Variants in CENPI observed in about 807,000 individuals in gnomAD.
CENPI encodes the protein centromere protein I, also known as FSH primary response 1.
CENPI carries 4 observed loss-of-function variants against 60.4 expected under a neutral mutation model. The ratio of observed to expected loss-of-function variants is 0.07; its 90% CI spans 0.03 to 0.15. The LOEUF (loss-of-function observed/expected upper bound fraction) is 0.15, where lower values mean the gene tolerates loss of function less well. Ranked by LOEUF, CENPI falls within the 10% of genes least tolerant of loss-of-function variation. The pLI is 1.00. For missense variants in CENPI, 444 were observed against 534.5 expected (o/e 0.83, Z 1.67); for synonymous variants, 157 against 189.4 (o/e 0.83, Z 1.40).
intron 8 of CENPI, among the ~76,000 whole-genome samples, 200 bp downstream of exon 8, chrX:101,120,984 T>G (rs2089671842): frequency 9.2e-6 from 1 of 108,548 alleles, no homozygotes; most frequent in Admixed American, 1.0e-4. Flanking sequence ...CAAGCGATTC[T>G]CCTGCCTTAC....
chrX:101,144,088 T>TTTC (rs1302344220), intron 16 of CENPI, among the ~76,000 whole-genome samples: 5 of 39,338 alleles, frequency 1.3e-4, no homozygotes, highest in Admixed American at 2.3e-4. Context: ...TTTCTTTTTC[T>TTTC]TTTTTTTTTT....
At chrX:101,135,721 T>G (rs1199304918) in intron 15 of CENPI, among the ~76,000 whole-genome samples, 2 of 111,946 alleles carry the variant, frequency 1.8e-5, no homozygotes, top group Non-Finnish European at 3.8e-5. Context: ...TTTTTGTATA[T>G]TATGGTTTTT....
At chrX:101,146,364 C>A in intron 18 of CENPI, 87 bp downstream of exon 18, 1 of 910,804 alleles carries the variant, frequency 1.1e-6, no homozygotes, top group Non-Finnish European at 1.5e-6. Context: ...TATTCCTACT[C>A]GTCTTCTGCC....
intron 16 of CENPI, among the ~76,000 whole-genome samples, chrX:101,143,974 G>T (rs1271433084): frequency 1.8e-5 from 2 of 110,700 alleles, no homozygotes; most frequent in Non-Finnish European, 3.8e-5. Flanking sequence ...TCATTTTAAT[G>T]TTTATTCCTT....
intron 20 of CENPI, among the ~76,000 whole-genome samples, chrX:101,149,551 G>C (rs2089989843): frequency 9.6e-6 from 1 of 104,709 alleles, no homozygotes; most frequent in African/African-American, 3.5e-5. Flanking sequence ...CTGTCGCCCA[G>C]GCTAGAGTGC....
chrX:101,109,667 G>A lies in CENPI; in HGVS notation c.483+76G>A, dbSNP rs188741902. The A allele has an allele frequency of 5.4e-4, 399 of 743,053 alleles. 1 individual carries two copies. The East Asian group carries it at 0.011, about 21-fold the overall frequency. 61.2% of individuals were successfully genotyped at this position (743,053 alleles called of 1,213,427 possible). Reference sequence around the variant, plus strand: ...CTGGCAAGGAAGAGCCACTTATGAAGTAATGGCATTGGCCTTTTGTGCAAA... The same window carrying A: ...CTGGCAAGGAAGAGCCACTTATGAAATAATGGCATTGGCCTTTTGTGCAAA... On this transcript the variant is annotated intron_variant, in intron 5 of 21. Transcript: ENST00000682095.
chrX:101,142,697 T>C (rs1305608026), intron 16 of CENPI, among the ~76,000 whole-genome samples: 1 of 111,465 alleles, frequency 9.0e-6, no homozygotes, highest in Non-Finnish European at 1.9e-5. Context: ...ATGCCGATAG[T>C]GTCTTGTGGA....
intron 9 of CENPI, 65 bp downstream of exon 9, chrX:101,126,863 T>C (rs767391965): frequency 1.7e-4 from 169 of 969,877 alleles, no homozygotes; most frequent in Non-Finnish European, 2.3e-4. Flanking sequence ...TAAAGTTAAC[T>C]TACAGATTTC....
intron 16 of CENPI, 72 bp downstream of exon 16, chrX:101,140,832 G>A (rs1232853440): frequency 9.5e-6 from 7 of 738,293 alleles, no homozygotes; most frequent in South Asian, 2.7e-5. Flanking sequence ...ATAGTGTGGC[G>A]TGAAACAATT....
At chrX:101,162,473 A>T (rs12400545) in intron 21 of CENPI, among the ~76,000 whole-genome samples, 27,062 of 67,488 alleles carry the variant, frequency 0.4, 6,120 homozygotes, top group Middle Eastern at 0.48. Flanking sequence ...AAAAAAAAAA[A>T]ATATATATAT....
chrX:101,118,981 G>C (rs1452169657), intron 6 of CENPI, among the ~76,000 whole-genome samples: 1 of 111,286 alleles, frequency 9.0e-6, no homozygotes, highest in Non-Finnish European at 1.9e-5. Context: ...AGGAGTTCGA[G>C]ACCACCCTGA....
chrX:101,099,097 C>CCTTT (rs781413789), intron 2 of CENPI, among the ~76,000 whole-genome samples: 3 of 110,241 alleles, frequency 2.7e-5, no homozygotes, highest in South Asian at 3.9e-4. Flanking sequence ...TCCCTCCCTC[C>CCTTT]CTTTCTTTCT....
At chrX:101,119,132 A>G (rs992602665) in intron 6 of CENPI, among the ~76,000 whole-genome samples, 4 of 111,852 alleles carry the variant, frequency 3.6e-5, no homozygotes, top group African/African-American at 9.7e-5. Context: ...GTGAGCCGAG[A>G]TCATGCCATT....
At chrX:101,122,445 G>C (rs767198563) in intron 8 of CENPI, among the ~76,000 whole-genome samples, 7 of 111,411 alleles carry the variant, frequency 6.3e-5, no homozygotes, top group Admixed American at 2.9e-4. Context: ...TTTTTTCTTA[G>C]TTCTCTGAAG....
intron 8 of CENPI, among the ~76,000 whole-genome samples, chrX:101,122,801 G>A (rs907810457): frequency 7.2e-5 from 8 of 111,720 alleles, no homozygotes; most frequent in East Asian, 2.8e-4. Flanking sequence ...GTTTGAAACC[G>A]GGAGGCGGAG....
chrX:101,129,301 T>C (rs756725983), intron 12 of CENPI, among the ~76,000 whole-genome samples: 1 of 111,788 alleles, frequency 8.9e-6, no homozygotes, highest in African/African-American at 3.2e-5. Flanking sequence ...ATTAGAAGAT[T>C]TCTTAATTAT....
rs144632092 is a variant in CENPI at position 101,099,599 on chromosome X, C to T, written c.-14+1060C>T. ...TTAGCATGTCTTCCTCTTCTCTCTCCATGAAATACTCTTCCACCAGATCTT... is the reference window on the plus strand; with the variant it reads ...TTAGCATGTCTTCCTCTTCTCTCTCTATGAAATACTCTTCCACCAGATCTT... On this transcript the variant is annotated intron_variant, in intron 2 of 21. Coordinates refer to ENST00000682095, the MANE Select transcript of CENPI (RefSeq NM_001386188.2). 6.8e-4 allele frequency among the ~76,000 whole-genome samples: 73 copies of T among 106,820 alleles called. 1 individual carries two copies. Among genetic ancestry groups the T allele is most frequent in the South Asian group, 2.5e-3 (6 of 2,395 alleles). The allele number at this position is 106,820 out of a possible 115,157, so 92.8% of individuals were successfully genotyped here. A position where few individuals can be genotyped will look rare whatever the true frequency, so the allele number is the denominator to read the frequency against.
At chrX:101,115,370 G>A (rs1052097989) in intron 6 of CENPI, among the ~76,000 whole-genome samples, 19 of 108,790 alleles carry the variant, frequency 1.7e-4, no homozygotes, top group Non-Finnish European at 3.1e-4. Flanking sequence ...CTGCAGCCTC[G>A]ATTGATCAGC....
At chrX:101,140,812 C>A in intron 16 of CENPI, 52 bp downstream of exon 16, 2 of 889,121 alleles carry the variant, frequency 2.2e-6, no homozygotes, top group Non-Finnish European at 3.3e-6. Flanking sequence ...CAAATGTTTG[C>A]ATATGTTTAA....
Sources: allele counts gnomAD v4.1 joint callset (sites outside exome capture counted in the v4.1 genomes callset), GRCh38; gene constraint gnomAD v4.1.1; transcripts MANE v1.5; gene names NCBI Gene and HGNC (gene_info 2026-07-23, HGNC 2026-07-21).